The following ZNF318 variants were observed in gnomAD, a reference collection of about 807,000 sequenced individuals.
The protein encoded by ZNF318 is zinc finger protein 318, also known as endocrine regulator.
A neutral mutation model predicts 124.2 loss-of-function variants in ZNF318; 51 were observed. The ratio of observed to expected loss-of-function variants is 0.41; its 90% CI spans 0.33 to 0.52. The LOEUF (loss-of-function observed/expected upper bound fraction) is 0.52, where lower values mean the gene tolerates loss of function less well. ZNF318 is among the 20% of genes least tolerant of loss of function. ZNF318 has a pLI of 0.23. For missense variants in ZNF318, 2,815 were observed against 2,811.2 expected (o/e 1.00, Z -0.03); for synonymous variants, 1,090 against 1,040.7 (o/e 1.05, Z -0.91).
intron 5 of ZNF318, among the ~76,000 whole-genome samples, chr6:43,352,088 G>C (rs1253248039): frequency 9.4e-6 from 1 of 106,888 alleles, no homozygotes; most frequent in Admixed American, 9.4e-5. Context: ...AGGTTGTAGT[G>C]AGCCAAAATC....
At position 43,357,777 on chromosome 6, in the gene ZNF318, G is replaced by C. The variant is rs1290460728; in HGVS notation, c.549-12C>G. 2 of 1,573,702 alleles carry C rather than the reference G, an allele frequency of 1.3e-6. No homozygotes were observed. Among genetic ancestry groups the C allele is most frequent in the South Asian group, 1.1e-5 (1 of 87,038 alleles). ...CAGTCAGGTCATCCCTGAGGAAAAAGAGAAGCATCATTGAACAAATGGACT... is the reference window on the plus strand; with the variant it reads ...CAGTCAGGTCATCCCTGAGGAAAAACAGAAGCATCATTGAACAAATGGACT... On this transcript the variant is annotated splice_polypyrimidine_tract_variant and intron_variant, in intron 2 of 9. Transcript: ENST00000361428.
chr6:43,353,199 T>C (rs1254318319), intron 4 of ZNF318, among the ~76,000 whole-genome samples: 2 of 152,218 alleles, frequency 1.3e-5, no homozygotes, highest in Non-Finnish European at 2.9e-5. Context: ...TCTAAAGTTT[T>C]GTCTACATTG....
chr6:43,340,550 GA>G, intron 9 of ZNF318, 48 bp from the exon 10 acceptor site: 1 of 1,532,148 alleles, frequency 6.5e-7, no homozygotes, highest in Non-Finnish European at 8.7e-7. Flanking sequence ...AAATACAAGA[GA>G]AAAAAATCTT....
At chr6:43,367,739 C>T (rs1226798198) in intron 1 of ZNF318, among the ~76,000 whole-genome samples, 1 of 152,176 alleles carries the variant, frequency 6.6e-6, no homozygotes, top group African/African-American at 2.4e-5. Flanking sequence ...TGACTGCCAC[C>T]CACACTGGCA....
chr6:43,364,677 A>C (rs73416713), intron 2 of ZNF318, among the ~76,000 whole-genome samples: 3,676 of 152,306 alleles, frequency 0.024, 147 homozygotes, highest in African/African-American at 0.081. Context: ...TACAATCTAT[A>C]TATGGTTAAG....
Position 43,338,889 on chromosome 6 carries a change from G to A in ZNF318, c.5109C>T (p.Ser1703=), listed in dbSNP as rs774571622. ...TDTLAIWTSS[S]FQSDTSRDIS... Reference sequence around the variant, plus strand: ...TATCCCTACTAGTGTCACTCTGGAAGGAACTAGAGGTCCATATGGCCAAAG... The same window carrying A: ...TATCCCTACTAGTGTCACTCTGGAAAGAACTAGAGGTCCATATGGCCAAAG... Residue 1703 remains serine (S), a synonymous_variant, in exon 10 of 10, where the codon TCC becomes TCT. Coordinates refer to ENST00000361428, the MANE Select transcript of ZNF318 (RefSeq NM_014345.3). 1.4e-5 allele frequency: 22 copies of A among 1,614,102 alleles called. No individual in the cohort carries two copies. In the South Asian group the frequency reaches 2.3e-4, roughly 17 times the overall value.
intron 1 of ZNF318, among the ~76,000 whole-genome samples, chr6:43,368,159 C>T (rs907950389): frequency 2.0e-5 from 3 of 152,238 alleles, no homozygotes; most frequent in Non-Finnish European, 4.4e-5. Flanking sequence ...TAAACTTAAA[C>T]TCATGCTCCG....
chr6:43,358,414 ATTTTTTT>A (rs71547834), intron 2 of ZNF318, among the ~76,000 whole-genome samples: 24 of 124,752 alleles, frequency 1.9e-4, no homozygotes, highest in Middle Eastern at 4.1e-3. Context: ...CACCCGGCTA[ATTTTTTT>A]TTTTTTTTTT....
rs765501608 is a variant in ZNF318 at position 43,337,544 on chromosome 6, C to T, written c.6454G>A (p.Gly2152Arg). 8.7e-6 allele frequency: 14 copies of T among 1,614,002 alleles called. No homozygotes were observed. Among genetic ancestry groups the T allele is most frequent in the Middle Eastern group, 1.6e-4 (1 of 6,062 alleles). The change falls in exon 10 of 10, where the codon GGA becomes AGA. Residue 2152 changes from glycine to arginine, a missense_variant. Coordinates refer to ENST00000361428, the MANE Select transcript of ZNF318 (RefSeq NM_014345.3). ...GAATTAATTGTTTTTAATTCCAATCCGAGTGACTCTTGTTTGTCTAATTGG... is the reference window on the plus strand; with the variant it reads ...GAATTAATTGTTTTTAATTCCAATCTGAGTGACTCTTGTTTGTCTAATTGG... The part of the protein sequence containing the change: ...SSQLDKQESL[G>R]LELKTINSAG...
intron 1 of ZNF318, among the ~76,000 whole-genome samples, chr6:43,366,266 G>C (rs529602147): frequency 3.3e-5 from 5 of 152,160 alleles, no homozygotes; most frequent in African/African-American, 1.2e-4. Flanking sequence ...ACAGAAAAGC[G>C]GCCGGTGTGG....
chr6:43,352,689 G>T (rs1370050559), intron 4 of ZNF318, among the ~76,000 whole-genome samples: 1 of 103,538 alleles, frequency 9.7e-6, no homozygotes, highest in Admixed American at 9.8e-5. Flanking sequence ...CAGAAAGGTT[G>T]TTTGTTTGTT....
Position 43,355,831 on chromosome 6 carries a change from G to C in ZNF318, c.1503C>G (p.Ser501Arg), listed in dbSNP as rs1213533506. 6.2e-7 allele frequency: 1 copy of C among 1,614,104 alleles called. No individual in the cohort carries two copies. The highest frequency in any genetic ancestry group is 1.3e-5 in the African/African-American group (1 of 74,934). The stretch of plus-strand genomic sequence containing the variant: ...TGCGGGAAAAACCACTGCCATCCTG[G>C]CTAGCTCTCTCATGGGGCAGCAGGA... ...TDFLLPHERA[S>R]QDGSGFSRIL... The change falls in exon 4 of 10, where the codon AGC becomes AGG. Residue 501 changes from serine to arginine, a missense_variant. Physicochemically the swap from Ser to Arg is moderately radical, Grantham distance 110. Around this residue, in one of 4 missense-constraint regions of ZNF318, gnomAD observed 1,377 missense variants for 1,353.5 expected, o/e 1.02. Transcript: ENST00000361428.
In ZNF318 at chr6:43,340,888, T is replaced by G; in HGVS notation, c.3397A>C (p.Ile1133Leu). ...PAKGSEFLVPISGFYCQLCEE... is the reference protein window; with the variant it reads ...PAKGSEFLVPLSGFYCQLCEE... ...CAGAGCTGGCAATAAAATCCACTGA[T>G]GGGAACCAGAAACTCAGAGCCTGGA... The change falls in exon 9 of 10, where the codon ATC (isoleucine) becomes CTC (leucine). Residue 1133 changes from isoleucine to leucine, a missense_variant. Ile to Leu is a conservative substitution (Grantham distance 5). Coordinates refer to ENST00000361428, the MANE Select transcript of ZNF318 (RefSeq NM_014345.3). The G allele has an allele frequency of 6.8e-6, 11 of 1,613,994 alleles. No homozygotes were observed. Among genetic ancestry groups the G allele is most frequent in the Non-Finnish European group, 9.3e-6 (11 of 1,179,936 alleles).
chr6:43,355,508 C>G lies in ZNF318; in HGVS notation c.1826G>C (p.Ser609Thr). ...IGLDIGVAEI[S>T]QLAARTQERL... ...TTCCTGGGTGCGTGCAGCCAATTGA[C>G]TAATCTCTGCTACTCCAATATCCAG... Residue 609 changes from serine to threonine, a missense_variant, in exon 4 of 10, where the codon AGT becomes ACT. Transcript: ENST00000361428. 1 of 1,614,200 alleles carries G rather than the reference C, an allele frequency of 6.2e-7. No individual in the cohort carries two copies. Among genetic ancestry groups the G allele is most frequent in the Non-Finnish European group, 8.5e-7 (1 of 1,180,046 alleles).
At chr6:43,340,967 C>T in intron 8 of ZNF318, 59 bp from the exon 9 acceptor site, 4 of 1,277,770 alleles carry the variant, frequency 3.1e-6, no homozygotes, top group Non-Finnish European at 3.4e-6. Context: ...ATGACAGCAA[C>T]CAATGGAAAT....
At chr6:43,357,835 C>T in intron 2 of ZNF318, 70 bp from the exon 3 acceptor site, 1 of 1,413,354 alleles carries the variant, frequency 7.1e-7, no homozygotes, top group Non-Finnish European at 9.5e-7. Context: ...GGCTAAGAGA[C>T]TGGTGTTTGT....
rs572446390 is a variant in ZNF318, at chr6:43,337,770, G to T, written c.6228C>A (p.Pro2076=). 6.2e-7 allele frequency: 1 copy of T among 1,614,168 alleles called. No individual in the cohort carries two copies. Among genetic ancestry groups the T allele is most frequent in the African/African-American group, 1.3e-5 (1 of 75,040 alleles). ...TCTCAAAGTCAAGCACCAAGGTTTT[G>T]GGAGAATCTAACGGAAACCCAGAAA... ...PSFSGFPLDS[P]KTLVLDFETE... is the part of the protein sequence containing the mutation. Residue 2076 remains proline, a synonymous_variant, in exon 10 of 10, where the codon CCC becomes CCA. Coordinates refer to ENST00000361428, the MANE Select transcript of ZNF318 (RefSeq NM_014345.3).
In ZNF318 at chr6:43,355,197, G is replaced by C; in HGVS notation, c.2137C>G (p.Leu713Val). The C allele has an allele frequency of 6.2e-7, 1 of 1,614,234 alleles. No individual in the cohort carries two copies. The highest frequency in any genetic ancestry group is 8.5e-7 in the Non-Finnish European group (1 of 1,180,044). ...TGACCCACTGGATGGTCAGACTTTAGGAATGGAGGGCTGTTTTTTGTGAGC... is the reference window on the plus strand; with the variant it reads ...TGACCCACTGGATGGTCAGACTTTACGAATGGAGGGCTGTTTTTTGTGAGC... ...YLLTKNSPPF[L>V]KSDHPVGHIS... Residue 713 changes from leucine to valine, a missense_variant, in exon 4 of 10, where the codon CTA (leucine) becomes GTA (valine). Coordinates refer to ENST00000361428, the MANE Select transcript of ZNF318 (RefSeq NM_014345.3).
Position 43,365,502 on chromosome 6 carries a change from C to G in ZNF318, c.400-62G>C, listed in dbSNP as rs554191053. 4 of 1,544,278 alleles carry G rather than the reference C, an allele frequency of 2.6e-6. No individual in the cohort carries two copies. In the African/African-American group the frequency reaches 5.4e-5, roughly 21 times the overall value. On this transcript the variant is annotated intron_variant, in intron 1 of 9. Coordinates refer to ENST00000361428, the MANE Select transcript of ZNF318 (RefSeq NM_014345.3). ...GTCAAGACATCCCTACATCCAAAAA[C>G]TCTCCTCCCTAGTTACAAAGTTAGC... is the stretch of plus-strand genomic sequence containing the variant.
Sources: gnomAD v4.1 joint callset for allele counts (sites outside exome capture counted in the v4.1 genomes callset) on GRCh38, gnomAD v4.1.1 for gene constraint, gnomAD v4.1.1 regional missense constraint, MANE v1.5 for transcripts, NCBI Gene and HGNC (gene_info 2026-07-23, HGNC 2026-07-21) for gene names.